The following PKP1 variants were observed in gnomAD, a reference collection of about 807,000 sequenced individuals.
PKP1 encodes the protein plakophilin 1.
In PKP1, 27 loss-of-function variants were observed where a neutral mutation model predicts 76.4. The ratio of observed to expected loss-of-function variants is 0.35; its 90% CI spans 0.26 to 0.49. The LOEUF is 0.49. Among genes scored for constraint, PKP1 ranks in the 20% least tolerant of loss-of-function variants. The pLI is 0.99. For missense variants in PKP1, 964 were observed against 955.2 expected (o/e 1.01, Z -0.12); for synonymous variants, 404 against 384.2 (o/e 1.05, Z -0.60).
intron 2 of PKP1, among the ~76,000 whole-genome samples, chr1:201,302,541 A>G (rs780977552): frequency 4.6e-5 from 7 of 152,166 alleles, no homozygotes; most frequent in Non-Finnish European, 8.8e-5. Flanking sequence ...AATGCAGCAG[A>G]ATTTCCCAAG....
intron 2 of PKP1, among the ~76,000 whole-genome samples, chr1:201,297,782 A>G (rs905205488): frequency 1.3e-5 from 2 of 151,962 alleles, no homozygotes; most frequent in African/African-American, 4.8e-5. Flanking sequence ...CTCCCTTCCC[A>G]TCCCCTCCAA....
intron 2 of PKP1, among the ~76,000 whole-genome samples, chr1:201,309,014 A>G (rs528697865): frequency 6.6e-6 from 1 of 152,102 alleles, no homozygotes; most frequent in East Asian, 1.9e-4. Flanking sequence ...CTCTTTTTGA[A>G]TGGTTAGTTA....
chr1:201,296,387 G>A (rs1656070034), intron 2 of PKP1, among the ~76,000 whole-genome samples: 1 of 152,210 alleles, frequency 6.6e-6, no homozygotes. Flanking sequence ...TGGTACAACT[G>A]GCACAGGACG....
intron 1 of PKP1, 48 bp downstream of exon 1, chr1:201,283,952 C>G (rs762125595): frequency 6.5e-7 from 1 of 1,546,270 alleles, no homozygotes; most frequent in South Asian, 1.1e-5. Context: ...TCCAGAGCAC[C>G]CTGGCCCAGT....
chr1:201,318,274 C>T (rs1274376897), intron 5 of PKP1, among the ~76,000 whole-genome samples: 2 of 152,216 alleles, frequency 1.3e-5, no homozygotes, highest in Non-Finnish European at 2.9e-5. Flanking sequence ...TCTGGCATAA[C>T]TTTCAGATGG....
intron 2 of PKP1, among the ~76,000 whole-genome samples, chr1:201,307,686 C>A (rs1656411505): frequency 6.6e-6 from 1 of 152,244 alleles, no homozygotes; most frequent in Non-Finnish European, 1.5e-5. Context: ...AGGGTCACTA[C>A]ATGCCTACTA....
At chr1:201,328,309 T>C (rs1179626061) in intron 12 of PKP1, 6 of 297,272 alleles carry the variant, frequency 2.0e-5, no homozygotes, top group Non-Finnish European at 3.2e-5. Context: ...AGCGGCTTCT[T>C]ACCAGTGCGA....
chr1:201,291,253 A>G (rs1158420177), intron 1 of PKP1, among the ~76,000 whole-genome samples: 2 of 152,124 alleles, frequency 1.3e-5, no homozygotes, highest in Admixed American at 6.5e-5. Flanking sequence ...CCCCAACTAC[A>G]GATAGGTCTT....
intron 3 of PKP1, among the ~76,000 whole-genome samples, chr1:201,315,037 A>G (rs1185243331): frequency 6.6e-6 from 1 of 152,230 alleles, no homozygotes; most frequent in African/African-American, 2.4e-5. Flanking sequence ...AAATAAGCAG[A>G]ACCCCGTTAT....
At chr1:201,315,993 G>A (rs1656708784) in intron 3 of PKP1, among the ~76,000 whole-genome samples, 1 of 152,182 alleles carries the variant, frequency 6.6e-6, no homozygotes, top group African/African-American at 2.4e-5. Flanking sequence ...GGCTAGATGT[G>A]AACATTTTTG....
chr1:201,329,579 GGCAGCCCA>G (rs1304857564), intron 13 of PKP1, among the ~76,000 whole-genome samples: 1 of 152,170 alleles, frequency 6.6e-6, no homozygotes, highest in African/African-American at 2.4e-5. Flanking sequence ...GGGCCTCAGG[GGCAGCCCA>G]GCATGGAGCC....
chr1:201,321,936 G>T lies in PKP1; in HGVS notation c.1348-42G>T, dbSNP rs201295554. On this transcript the variant is annotated intron_variant, in intron 7 of 13. Transcript: ENST00000367324. ...AGGTGGTAGGCCAGGAGCCTGTCGG[G>T]CCGGGCAGAGGCTCAGGCCCATGCC... is the stretch of plus-strand genomic sequence containing the variant. 4.9e-5 allele frequency: 79 copies of T among 1,612,246 alleles called. 1 individual carries two copies. The African/African-American group carries it at 7.6e-4, about 16-fold the overall frequency.
At chr1:201,294,547 C>CTGCT (rs775094075) in intron 2 of PKP1, among the ~76,000 whole-genome samples, 8 of 152,228 alleles carry the variant, frequency 5.3e-5, no homozygotes, top group Non-Finnish European at 8.8e-5. Context: ...AATTTTAACT[C>CTGCT]TGCTACTCAC....
intron 2 of PKP1, among the ~76,000 whole-genome samples, chr1:201,309,636 G>A (rs542338237): frequency 6.6e-6 from 1 of 152,324 alleles, no homozygotes; most frequent in African/African-American, 2.4e-5. Context: ...GTGTGGGGGT[G>A]TGGCTGGGAG....
intron 5 of PKP1, 54 bp from the exon 6 acceptor site, chr1:201,318,564 C>T (rs1656840229): frequency 6.5e-7 from 1 of 1,545,646 alleles, no homozygotes; most frequent in African/African-American, 1.4e-5. Context: ...TTACCTCGGT[C>T]CCTAGGGCAT....
At chr1:201,292,288 T>C (rs1655941966) in intron 1 of PKP1, among the ~76,000 whole-genome samples, 1 of 152,078 alleles carries the variant, frequency 6.6e-6, no homozygotes, top group South Asian at 2.1e-4. Flanking sequence ...GTACGGGGCC[T>C]ATGGGAGGTA....
At chr1:201,319,732 G>A in intron 6 of PKP1, 1 of 1,364,186 alleles carries the variant, frequency 7.3e-7, no homozygotes, top group Non-Finnish European at 1.0e-6. Context: ...AGCTTGGGTG[G>A]AGAGGGAGCT....
intron 1 of PKP1, among the ~76,000 whole-genome samples, chr1:201,293,308 C>T (rs1187481121): frequency 6.6e-6 from 1 of 152,204 alleles, no homozygotes; most frequent in Non-Finnish European, 1.5e-5. Context: ...GACACTCTGT[C>T]CTCCTGCGGA....
Position 201,325,103 on chromosome 1 carries a change from ACAT to A in PKP1, c.2003_2005del (p.Ile668del), listed in dbSNP as rs745964096. 3.1e-6 allele frequency: 5 copies of A among 1,613,804 alleles called. No individual in the cohort carries two copies. In the East Asian group the frequency reaches 8.9e-5, roughly 29 times the overall value. ...TACTTCTCCAGCAGCATGCTCAACA[ACAT>A]CATCAACCTGTGCCGAAGCAGGTGG... On this transcript the variant is annotated inframe_deletion, in exon 11 of 14. Transcript: ENST00000367324.
Sources: allele counts gnomAD v4.1 joint callset (sites outside exome capture counted in the v4.1 genomes callset), GRCh38; gene constraint gnomAD v4.1.1; transcripts MANE v1.5; gene names NCBI Gene and HGNC (gene_info 2026-07-23, HGNC 2026-07-21).